SLC44A2: variants seen among roughly 807,000 people sequenced by gnomAD.
SLC44A2 encodes choline transporter-like protein 2.
In SLC44A2, 57 loss-of-function variants were observed where a neutral mutation model predicts 90.8. That is an observed-to-expected ratio of 0.63 (90% CI 0.51 to 0.78). The LOEUF is 0.78. Ranked by LOEUF, SLC44A2 falls within the 30% of genes least tolerant of loss-of-function variation. The pLI is 0.00. For synonymous variants in SLC44A2, 355 were observed against 360.7 expected (o/e 0.98, Z 0.18); for missense variants, 794 against 919.7 (o/e 0.86, Z 1.77).
chr19:10,628,397 G>A (rs8108741), intron 4 of SLC44A2, among the ~76,000 whole-genome samples: 121,136 of 152,078 alleles, frequency 0.8, 48,339 homozygotes, highest in African/African-American at 0.83. Context: ...AAACAAACAA[G>A]CAAAAATTAA....
intron 10 of SLC44A2, among the ~76,000 whole-genome samples, chr19:10,633,971 C>CTCTTTTTT (rs1599252391): frequency 6.5e-5 from 3 of 45,986 alleles, no homozygotes; most frequent in Admixed American, 2.4e-4. Context: ...AACCCCATCT[C>CTCTTTTTT]TATTTTTTTT....
chr19:10,626,059 C>T (rs531548231), intron 1 of SLC44A2, among the ~76,000 whole-genome samples, 194 bp from the exon 2 acceptor site: 2 of 152,372 alleles, frequency 1.3e-5, no homozygotes, highest in Admixed American at 1.3e-4. Flanking sequence ...CCTTCCTCCC[C>T]TGTCCTGGCC....
chr19:10,613,489 A>C (rs1213317686), intron 1 of SLC44A2, among the ~76,000 whole-genome samples: 1 of 151,960 alleles, frequency 6.6e-6, no homozygotes, highest in African/African-American at 2.4e-5. Context: ...GACCTCAAGT[A>C]ATCTGCCTGC....
At chr19:10,610,959 T>G (rs567635525) in intron 1 of SLC44A2, among the ~76,000 whole-genome samples, 3 of 151,870 alleles carry the variant, frequency 2.0e-5, no homozygotes, top group Non-Finnish European at 4.4e-5. Flanking sequence ...CTTTTGCCAT[T>G]TCCCAATCGA....
At chr19:10,639,876 C>A (rs1339074339) in intron 20 of SLC44A2, among the ~76,000 whole-genome samples, 6 of 150,896 alleles carry the variant, frequency 4.0e-5, no homozygotes, top group Non-Finnish European at 8.9e-5. Flanking sequence ...GTGAGACTCT[C>A]TCTCAAAAAA....
intron 1 of SLC44A2, among the ~76,000 whole-genome samples, chr19:10,607,471 C>T (rs2144801701): frequency 6.6e-6 from 1 of 151,716 alleles, no homozygotes; most frequent in South Asian, 2.1e-4. Context: ...CTGCTTCTGC[C>T]TCCTGTGTAG....
At chr19:10,642,274 G>A (rs915449181) in intron 20 of SLC44A2, 93 bp from the exon 21 acceptor site, 1 of 1,029,258 alleles carries the variant, frequency 9.7e-7, no homozygotes. Context: ...CTCAGCAGGG[G>A]AAGGATGTGG....
intron 4 of SLC44A2, among the ~76,000 whole-genome samples, chr19:10,629,089 G>A (rs185603016): frequency 2.3e-4 from 35 of 150,900 alleles, no homozygotes; most frequent in East Asian, 8.0e-4. Flanking sequence ...CTGTAATCCC[G>A]GTTACTCAGG....
At position 10,636,734 on chromosome 19, in the gene SLC44A2, G is replaced by A. The variant is rs2067060523; in HGVS notation, c.1569G>A (p.Glu523=). 1 of 1,613,970 alleles carries A rather than the reference G, an allele frequency of 6.2e-7. No homozygotes were observed. Among genetic ancestry groups the A allele is most frequent in the Non-Finnish European group, 8.5e-7 (1 of 1,179,914 alleles). The change falls in exon 16 of 22, where the codon GAG becomes GAA. Residue 523 remains glutamate (E), a synonymous_variant. Coordinates refer to ENST00000335757, the MANE Select transcript of SLC44A2 (RefSeq NM_020428.4). Reference sequence around the variant, plus strand: ...TGCAGATCATCCGTGTGATACTCGAGTACCTGGATCAGCGGCTGAAAGGTA... The same window carrying A: ...TGCAGATCATCCGTGTGATACTCGAATACCTGGATCAGCGGCTGAAAGGTA... ...AIVQIIRVIL[E]YLDQRLKAAE...
chr19:10,626,641 G>A (rs1046984256), intron 2 of SLC44A2, among the ~76,000 whole-genome samples: 4 of 149,818 alleles, frequency 2.7e-5, no homozygotes, highest in East Asian at 3.9e-4. Context: ...TGCTGGTCTC[G>A]ACCTCGTGAG....
At position 10,637,765 on chromosome 19, in the gene SLC44A2, C is replaced by A; in HGVS notation, c.1695+18C>A. On this transcript the variant is annotated intron_variant, in intron 17 of 21. Coordinates refer to ENST00000335757, the MANE Select transcript of SLC44A2 (RefSeq NM_020428.4). The stretch of plus-strand genomic sequence containing the variant: ...ACATCATGGTGAGTGGGCCTGGGAC[C>A]CCCAACCAACCCGCCAGCTCCTGCT... 1 of 1,613,370 alleles carries A rather than the reference C, an allele frequency of 6.2e-7. No individual in the cohort carries two copies. Among genetic ancestry groups the A allele is most frequent in the Non-Finnish European group, 8.5e-7 (1 of 1,179,384 alleles).
chr19:10,619,205 G>A (rs1249808895), intron 1 of SLC44A2, among the ~76,000 whole-genome samples: 2 of 151,380 alleles, frequency 1.3e-5, no homozygotes, highest in Non-Finnish European at 2.9e-5. Flanking sequence ...CGAGGCAGGT[G>A]CGTCGCTGGA....
At chr19:10,624,519 C>T (rs189397690), upstream of SLC44A2, among the ~76,000 whole-genome samples, 3 of 152,132 alleles carry the variant, frequency 2.0e-5, no homozygotes, top group South Asian at 2.1e-4. Flanking sequence ...GCCAGGCTGG[C>T]TTAGAAATCC....
intron 1 of SLC44A2, among the ~76,000 whole-genome samples, chr19:10,609,036 C>T (rs1918203876): frequency 6.7e-6 from 1 of 148,712 alleles, no homozygotes; most frequent in Non-Finnish European, 1.5e-5. Context: ...CAGCTCACTG[C>T]AAACTCCACC....
rs768927085 is a variant in SLC44A2 at position 10,631,887 on chromosome 19, G to A, written c.646G>A (p.Glu216Lys). The A allele has an allele frequency of 2.6e-5, 42 of 1,614,264 alleles. No individual in the cohort carries two copies. The highest frequency in any genetic ancestry group is 3.6e-5 in the Non-Finnish European group (42 of 1,180,050). Residue 216 changes from glutamate to lysine, a missense_variant, in exon 9 of 22, where the codon GAG (glutamate) becomes AAG (lysine). This residue lies in a region of SLC44A2 where 738 missense variants were observed against 841.1 expected (regional missense o/e 0.88). Transcript: ENST00000335757. The part of the protein sequence containing the change: ...EGAKKANGVL[E>K]ARQLAMRIFE... ...CCCCAGGAAAGCCAATGGAGTCCTA[G>A]AGGCGCGGCAACTCGCCATGCGCAT...
Position 10,632,046 on chromosome 19 carries a change from G to C in SLC44A2, c.713G>C (p.Gly238Ala). 6.2e-7 allele frequency: 1 copy of C among 1,614,112 alleles called. No individual in the cohort carries two copies. Among genetic ancestry groups the C allele is most frequent in the Non-Finnish European group, 8.5e-7 (1 of 1,180,000 alleles). ...CATGACCGTTTTCTTTTCCCCAGAGGCCTGGTCATTGCCATGGCGATGAGC... is the reference window on the plus strand; with the variant it reads ...CATGACCGTTTTCTTTTCCCCAGAGCCCTGGTCATTGCCATGGCGATGAGC... ...YTVSWYWIII[G>A]LVIAMAMSLL... Residue 238 changes from glycine (G) to alanine (A), a missense_variant and splice_region_variant, in exon 10 of 22, where the codon GGC becomes GCC. Gly to Ala is a moderately conservative substitution (Grantham distance 60, BLOSUM62 0). Around this residue, in one of 3 missense-constraint regions of SLC44A2, gnomAD observed 738 missense variants for 841.1 expected, o/e 0.88. Coordinates refer to ENST00000335757, the MANE Select transcript of SLC44A2 (RefSeq NM_020428.4).
At chr19:10,625,501 G>C, upstream of SLC44A2, 38 of 1,222,802 alleles carry the variant, frequency 3.1e-5, no homozygotes, top group Non-Finnish European at 3.8e-5. Flanking sequence ...GACCGGTTTG[G>C]GCCGCCCCGC....
At chr19:10,626,194 C>T in intron 1 of SLC44A2, 59 bp from the exon 2 acceptor site, 2 of 1,393,670 alleles carry the variant, frequency 1.4e-6, no homozygotes, top group Admixed American at 3.3e-5. Flanking sequence ...GGGGGCTCTC[C>T]CAGCCCTGTC....
intron 1 of SLC44A2, 70 bp downstream of exon 1, chr19:10,625,740 A>C (rs2066926305): frequency 3.4e-6 from 4 of 1,187,900 alleles, no homozygotes; most frequent in Non-Finnish European, 4.3e-6. Context: ...TTGAGAGAAC[A>C]TGGGGCGCAG....
Sources: gnomAD v4.1 joint callset for allele counts (sites outside exome capture counted in the v4.1 genomes callset) on GRCh38, gnomAD v4.1.1 for gene constraint, gnomAD v4.1.1 regional missense constraint, MANE v1.5 for transcripts, NCBI Gene and HGNC (gene_info 2026-07-23, HGNC 2026-07-21) for gene names.